CEP70: variants seen among roughly 807,000 people sequenced by gnomAD.
CEP70 encodes the protein centrosomal protein of 70 kDa.
A neutral mutation model predicts 90.9 loss-of-function variants in CEP70; 70 were observed. That is an observed-to-expected ratio of 0.77 (90% confidence interval 0.64 to 0.94). The LOEUF is 0.94. Among genes scored for constraint, CEP70 ranks in the 40% least tolerant of loss-of-function variants. The pLI, the probability that CEP70 is intolerant of heterozygous loss-of-function variation, is 0.00. For missense variants in CEP70, 648 were observed against 669.0 expected (o/e 0.97, Z 0.35); for synonymous variants, 220 against 228.3 (o/e 0.96, Z 0.33).
chr3:138,557,440 G>T lies in CEP70; in HGVS notation c.465+12878C>A, dbSNP rs558394918. 1.8e-4 allele frequency among the ~76,000 whole-genome samples: 28 copies of T among 152,342 alleles called. No individual in the cohort carries two copies. The East Asian group carries it at 4.6e-3, about 25-fold the overall frequency. On this transcript the variant is annotated intron_variant, in intron 6 of 17. Coordinates refer to ENST00000264982, the MANE Select transcript of CEP70 (RefSeq NM_024491.4). The stretch of plus-strand genomic sequence containing the variant: ...GGAAATCACAAGGGTATTGATTGGG[G>T]AAGTGATAAGCGTCCATGAAATCTT...
At chr3:138,585,078 A>G (rs1180281154) in intron 2 of CEP70, among the ~76,000 whole-genome samples, 1 of 152,162 alleles carries the variant, frequency 6.6e-6, no homozygotes, top group Non-Finnish European at 1.5e-5. Flanking sequence ...AAGGAAAAAA[A>G]GGCCATCAAA....
chr3:138,535,454 A>G (rs1272484643), intron 7 of CEP70, among the ~76,000 whole-genome samples: 1 of 152,194 alleles, frequency 6.6e-6, no homozygotes, highest in Non-Finnish European at 1.5e-5. Flanking sequence ...CTACCCAACT[A>G]GACTACCAGG....
chr3:138,525,570 GA>G lies in CEP70; in HGVS notation c.870-7del. On this transcript the variant is annotated splice_region_variant and splice_polypyrimidine_tract_variant and intron_variant, in intron 10 of 17. Transcript: ENST00000264982. ...TTAATTCATGCTGCGTAGGCCTGTGGAAAATAAATAATGATAAATTAATTCA... is the reference window on the plus strand; with the variant it reads ...TTAATTCATGCTGCGTAGGCCTGTGGAAATAAATAATGATAAATTAATTCA... 1.5e-6 allele frequency: 2 copies of G among 1,293,356 alleles called. No individual in the cohort carries two copies. Among genetic ancestry groups the G allele is most frequent in the Non-Finnish European group, 2.0e-6 (2 of 980,362 alleles). 80.1% of individuals were successfully genotyped at this position (1,293,356 alleles called of 1,614,324 possible).
In CEP70 at chr3:138,571,134, A is replaced by T; in HGVS notation, c.184T>A (p.Ser62Thr). Residue 62 changes from serine (S) to threonine (T), a missense_variant, in exon 5 of 18, where the codon TCA (serine) becomes ACA (threonine). Transcript: ENST00000264982. ...AAATTCTGTCTCATCCTTTGTGATG[A>T]CTGTTTGTCAAAAATGATGAGATCT... ...LKDLIIFDKQ[S>T]SQRMRQNLKL... 6.3e-7 allele frequency: 1 copy of T among 1,597,520 alleles called. No homozygotes were observed. The highest frequency in any genetic ancestry group is 1.7e-5 in the Admixed American group (1 of 58,870).
chr3:138,514,741 C>T (rs1318795601), intron 11 of CEP70, among the ~76,000 whole-genome samples: 3 of 151,444 alleles, frequency 2.0e-5, no homozygotes, highest in Non-Finnish European at 4.4e-5. Context: ...AAATTTTTTT[C>T]ATTGAGTGTT....
chr3:138,517,969 G>A (rs946302829), intron 11 of CEP70, among the ~76,000 whole-genome samples: 3 of 152,144 alleles, frequency 2.0e-5, no homozygotes, highest in South Asian at 2.1e-4. Flanking sequence ...CTGGAAAATC[G>A]GGTCACTCCC....
chr3:138,574,531 G>A (rs2041386351), intron 2 of CEP70, among the ~76,000 whole-genome samples: 1 of 152,218 alleles, frequency 6.6e-6, no homozygotes, highest in Non-Finnish European at 1.5e-5. Flanking sequence ...CTGAACAAAA[G>A]GCAGCAGAAA....
chr3:138,499,982 G>C, intron 16 of CEP70, 128 bp downstream of exon 16: 2 of 694,726 alleles, frequency 2.9e-6, no homozygotes, highest in Non-Finnish European at 2.6e-6. Context: ...GCCTTGCTCA[G>C]ACTGGACTTA....
intron 13 of CEP70, among the ~76,000 whole-genome samples, chr3:138,501,300 T>C (rs1352985192): frequency 6.6e-6 from 1 of 152,176 alleles, no homozygotes; most frequent in Non-Finnish European, 1.5e-5. Context: ...GTAATTCATA[T>C]ACCATAAAAT....
At chr3:138,591,828 G>A (rs1174578165) in intron 2 of CEP70, 26 bp downstream of exon 2, 3 of 1,528,448 alleles carry the variant, frequency 2.0e-6, no homozygotes, top group Non-Finnish European at 1.8e-6. Context: ...CCCAACATCT[G>A]GAGTCATCCG....
chr3:138,521,667 C>A (rs1178823627), intron 11 of CEP70, among the ~76,000 whole-genome samples: 17 of 127,610 alleles, frequency 1.3e-4, no homozygotes, highest in African/African-American at 5.1e-4. Context: ...CGTCTGGGAA[C>A]TGAGGAGCGC....
chr3:138,517,169 T>C (rs527875237), intron 11 of CEP70, among the ~76,000 whole-genome samples: 21 of 152,250 alleles, frequency 1.4e-4, no homozygotes, highest in Non-Finnish European at 2.9e-4. Context: ...CCCAAGATAA[T>C]TTTCTATTTA....
intron 6 of CEP70, among the ~76,000 whole-genome samples, chr3:138,568,706 C>T (rs1270918597): frequency 1.3e-5 from 2 of 151,958 alleles, no homozygotes; most frequent in Admixed American, 1.3e-4. Flanking sequence ...CTAGGCCGGG[C>T]GCAGTGGCTC....
chr3:138,551,752 AAAAAAAT>A (rs2039634600), intron 6 of CEP70, among the ~76,000 whole-genome samples: 1 of 134,170 alleles, frequency 7.5e-6, no homozygotes, highest in Non-Finnish European at 1.6e-5. Flanking sequence ...ATCTAAAAAA[AAAAAAAT>A]AAAATAAAAC....
intron 6 of CEP70, among the ~76,000 whole-genome samples, chr3:138,565,163 G>T (rs1460404206): frequency 6.6e-6 from 1 of 152,130 alleles, no homozygotes; most frequent in Non-Finnish European, 1.5e-5. Context: ...TTTTCAAGGA[G>T]AACTACAAAC....
At chr3:138,581,658 G>A (rs1278052607) in intron 2 of CEP70, among the ~76,000 whole-genome samples, 2 of 136,314 alleles carry the variant, frequency 1.5e-5, no homozygotes, top group Non-Finnish European at 3.0e-5. Context: ...ACCCGAGATC[G>A]CACCTGAGTC....
rs900502020 is a variant in CEP70 at position 138,551,206 on chromosome 3, C to T, written c.466-13859G>A. Among the ~76,000 whole-genome samples the T allele has an allele frequency of 1.4e-4, 22 of 152,092 alleles. 1 individual carries two copies. Among genetic ancestry groups the T allele is most frequent in the African/African-American group, 5.3e-4 (22 of 41,418 alleles). ...ACTATAAGCTAGAAGGGATTGGAGC[C>T]GTATATTTAGCCTCCTTAAACAAAA... On this transcript the variant is annotated intron_variant, in intron 6 of 17. Transcript: ENST00000264982.
chr3:138,557,212 G>A (rs547367439), intron 6 of CEP70, among the ~76,000 whole-genome samples: 15 of 152,268 alleles, frequency 9.9e-5, no homozygotes, highest in South Asian at 8.3e-4. Context: ...GCTCACCGGC[G>A]GTCAGAGTTT....
chr3:138,570,565 A>C, intron 5 of CEP70, 67 bp from the exon 6 acceptor site: 1 of 1,248,302 alleles, frequency 8.0e-7, no homozygotes, highest in South Asian at 1.4e-5. Context: ...AAGCATATCC[A>C]TATAAGAATG....
Sources: allele counts gnomAD v4.1 joint callset (sites outside exome capture counted in the v4.1 genomes callset), GRCh38; gene constraint gnomAD v4.1.1; transcripts MANE v1.5; gene names NCBI Gene and HGNC (gene_info 2026-07-23, HGNC 2026-07-21).